The following TBCE variants were observed in gnomAD, a reference collection of about 807,000 sequenced individuals.
The protein encoded by TBCE is tubulin folding cofactor E, also known as tubulin-specific chaperone E.
Under a neutral mutation model 77.0 loss-of-function variants are expected in TBCE, and 53 were observed. The ratio of observed to expected loss-of-function variants is 0.69; its 90% confidence interval spans 0.55 to 0.87. The LOEUF is 0.87. Among genes scored for constraint, TBCE ranks in the 40% least tolerant of loss-of-function variants. The pLI is 0.00. For missense variants in TBCE, 624 were observed against 622.4 expected, an observed-to-expected ratio of 1.00 and a Z score of -0.03; for synonymous variants, 235 against 241.3, an observed-to-expected ratio of 0.97 and a Z score of 0.24.
intron 3 of TBCE, among the ~76,000 whole-genome samples, chr1:235,403,834 G>A (rs1457461143): frequency 2.0e-5 from 3 of 152,152 alleles, no homozygotes; most frequent in African/African-American, 7.2e-5. Context: ...ACAAACCTGC[G>A]TGGTGTAGCC....
chr1:235,442,007 A>ATTTTTTTTTTTTTT (rs1256601287), intron 14 of TBCE, 125 bp downstream of exon 14: 1 of 829,028 alleles, frequency 1.2e-6, no homozygotes, highest in Non-Finnish European at 1.9e-6. Flanking sequence ...TTTAAATGAA[A>ATTTTTTTTTTTTTT]ATTTTTTTTT....
intron 2 of TBCE, among the ~76,000 whole-genome samples, chr1:235,388,375 G>A (rs920198387): frequency 7.2e-6 from 1 of 139,482 alleles, no homozygotes; most frequent in Non-Finnish European, 1.5e-5. Flanking sequence ...TGCAACCTCC[G>A]CCTCCCAGGT....
At chr1:235,442,462 G>A (rs905419589) in intron 14 of TBCE, among the ~76,000 whole-genome samples, 3 of 151,718 alleles carry the variant, frequency 2.0e-5, no homozygotes, top group East Asian at 1.9e-4. Context: ...GAGCTACCGC[G>A]CCCTGTCAAA....
intron 3 of TBCE, among the ~76,000 whole-genome samples, chr1:235,406,698 A>C (rs1679453852): frequency 6.6e-6 from 1 of 151,638 alleles, no homozygotes; most frequent in South Asian, 2.1e-4. Context: ...CACCTGGCTA[A>C]TTTTTGTATT....
Position 235,450,587 on chromosome 1 carries a change from C to A in TBCE, c.*1825C>A. On this transcript the variant is annotated 3_prime_UTR_variant, in exon 17 of 17. Coordinates refer to ENST00000642610, the MANE Select transcript of TBCE (RefSeq NM_003193.5). ...GGTGTGTGGATGAAGAGTTAGTCAA[C>A]AAATGCCATTCCGTAATGAACGATT... The A allele has an allele frequency of 4.4e-6, 2 of 458,628 alleles. No individual in the cohort carries two copies. Among genetic ancestry groups the A allele is most frequent in the Non-Finnish European group, 7.9e-6 (2 of 251,752 alleles). 28.4% of individuals were successfully genotyped at this position (458,628 alleles called of 1,614,324 possible).
At chr1:235,404,074 C>G (rs1679276276) in intron 3 of TBCE, among the ~76,000 whole-genome samples, 1 of 152,150 alleles carries the variant, frequency 6.6e-6, no homozygotes, top group Non-Finnish European at 1.5e-5. Context: ...GTCAGGAGTT[C>G]AAGACCAGCC....
At chr1:235,447,534 C>G (rs1318552760) in intron 15 of TBCE, among the ~76,000 whole-genome samples, 2 of 152,100 alleles carry the variant, frequency 1.3e-5, no homozygotes, top group Non-Finnish European at 1.5e-5. Flanking sequence ...GATGTAATTA[C>G]AGAATGGCGG....
intron 5 of TBCE, among the ~76,000 whole-genome samples, chr1:235,421,224 T>C (rs1379355315): frequency 6.6e-6 from 1 of 151,804 alleles, no homozygotes; most frequent in Non-Finnish European, 1.5e-5. Context: ...CTTGGCAACA[T>C]TGCCAGACCT....
At chr1:235,388,935 G>T (rs1004166363) in intron 2 of TBCE, among the ~76,000 whole-genome samples, 2 of 152,194 alleles carry the variant, frequency 1.3e-5, no homozygotes, top group Admixed American at 6.6e-5. Context: ...GAGATGAGGG[G>T]CTGGGTCATT....
At chr1:235,375,253 T>C (rs910845998) in intron 1 of TBCE, among the ~76,000 whole-genome samples, 21 of 151,956 alleles carry the variant, frequency 1.4e-4, no homozygotes, top group African/African-American at 4.8e-4. Flanking sequence ...TAAAGAAGAA[T>C]AACAAGAGTC....
chr1:235,424,504 T>G (rs543243910), intron 5 of TBCE, among the ~76,000 whole-genome samples: 22 of 149,602 alleles, frequency 1.5e-4, no homozygotes, highest in African/African-American at 5.4e-4. Flanking sequence ...TTGTTTTTGT[T>G]TTTTTTTTTT....
In TBCE at chr1:235,386,830, C is replaced by T. The variant is rs1293785040; in HGVS notation, c.100+6681C>T. On this transcript the variant is annotated intron_variant, in intron 2 of 16. Coordinates refer to ENST00000642610, the MANE Select transcript of TBCE (RefSeq NM_003193.5). Reference sequence around the variant, plus strand: ...AGTCATTCTCTGTCCAGCTTTGTTCCGTTGCTGGTGAGGAGCTGTGTTCCT... The same window carrying T: ...AGTCATTCTCTGTCCAGCTTTGTTCTGTTGCTGGTGAGGAGCTGTGTTCCT... 2.6e-5 allele frequency among the ~76,000 whole-genome samples: 4 copies of T among 152,156 alleles called. No individual in the cohort carries two copies. In the East Asian group the frequency reaches 7.7e-4, roughly 29 times the overall value.
At chr1:235,399,381 A>G (rs1482207230) in intron 2 of TBCE, among the ~76,000 whole-genome samples, 1 of 152,074 alleles carries the variant, frequency 6.6e-6, no homozygotes, top group African/African-American at 2.4e-5. Context: ...TTTTGTTATA[A>G]TATTGGTGTG....
chr1:235,401,170 A>G (rs1352738150), intron 2 of TBCE, among the ~76,000 whole-genome samples: 2 of 152,186 alleles, frequency 1.3e-5, no homozygotes, highest in South Asian at 2.1e-4. Flanking sequence ...TACCCTAAGT[A>G]TCTCATATAA....
At chr1:235,395,729 G>C (rs1383704678) in intron 2 of TBCE, among the ~76,000 whole-genome samples, 1 of 151,748 alleles carries the variant, frequency 6.6e-6, no homozygotes, top group East Asian at 1.9e-4. Context: ...ATTTTTAATG[G>C]AGACGGGGAT....
At chr1:235,399,755 G>A (rs939673968) in intron 2 of TBCE, among the ~76,000 whole-genome samples, 1 of 152,240 alleles carries the variant, frequency 6.6e-6, no homozygotes, top group Non-Finnish European at 1.5e-5. Context: ...AGAGGGGGCT[G>A]TTGGAACCCC....
At chr1:235,405,644 A>G (rs1679381868) in intron 3 of TBCE, among the ~76,000 whole-genome samples, 1 of 152,148 alleles carries the variant, frequency 6.6e-6, no homozygotes, top group Admixed American at 6.5e-5. Flanking sequence ...TCAAAAAAAA[A>G]AGAAAAAATA....
At chr1:235,434,321 C>A in intron 8 of TBCE, 41 bp downstream of exon 8, 1 of 1,512,948 alleles carries the variant, frequency 6.6e-7, no homozygotes, top group Non-Finnish European at 9.2e-7. Context: ...CCCATTTAAT[C>A]ATCATTCTGA....
intron 1 of TBCE, among the ~76,000 whole-genome samples, chr1:235,371,018 G>A (rs1384594665): frequency 3.2e-5 from 4 of 126,122 alleles, no homozygotes; most frequent in Admixed American, 2.8e-4. Flanking sequence ...GGGATTACAG[G>A]TGTGAGCTAT....
Sources: gnomAD v4.1 joint callset for allele counts (sites outside exome capture counted in the v4.1 genomes callset) on GRCh38, gnomAD v4.1.1 for gene constraint, MANE v1.5 for transcripts, NCBI Gene and HGNC (gene_info 2026-07-23, HGNC 2026-07-21) for gene names.